The following PKD1L1 variants were observed in gnomAD, a reference collection of about 807,000 sequenced individuals.
The protein encoded by PKD1L1 is polycystin-1-like protein 1.
A neutral mutation model predicts 323.4 loss-of-function variants in PKD1L1; 236 were observed. The observed-to-expected ratio is 0.73, with a 90% CI of 0.66 to 0.81. The LOEUF is 0.81. Ranked by LOEUF, PKD1L1 falls within the 40% of genes least tolerant of loss-of-function variation. PKD1L1 has a pLI of 0.00. For missense variants in PKD1L1, 3,320 were observed against 3,508.0 expected, an observed-to-expected ratio of 0.95 and a Z score of 1.35; for synonymous variants, 1,344 against 1,335.0, an observed-to-expected ratio of 1.01 and a Z score of -0.15.
chr7:47,791,101 GGT>G (rs1786935766), intron 56 of PKD1L1, among the ~76,000 whole-genome samples: 1 of 151,830 alleles, frequency 6.6e-6, no homozygotes, highest in Non-Finnish European at 1.5e-5. Flanking sequence ...TAAATATATA[GGT>G]GTATATCTCT....
the PKD1L1 span, among the ~76,000 whole-genome samples, chr7:47,958,363 G>T: frequency 4.6e-5 from 7 of 152,124 alleles, no homozygotes; most frequent in Non-Finnish European, 8.8e-5. Context: ...TTCAATAAAC[G>T]ATGCTGGGAA....
chr7:47,832,214 C>T lies in PKD1L1; in HGVS notation c.6338-862G>A, dbSNP rs375660644. On this transcript the variant is annotated intron_variant, in intron 41 of 56. Coordinates refer to ENST00000289672, the MANE Select transcript of PKD1L1 (RefSeq NM_138295.5). ...GGGACAGTGGCGTTGTCCTAAGCCA[C>T]ACCTTCTCCACAACCTCATCGGTGG... 3.3e-5 allele frequency among the ~76,000 whole-genome samples: 5 copies of T among 152,210 alleles called. No individual in the cohort carries two copies. The East Asian group carries it at 7.7e-4, about 23-fold the overall frequency.
At chr7:47,855,875 C>CAAAAAAAA (rs536157879) in intron 28 of PKD1L1, among the ~76,000 whole-genome samples, 1 of 32,548 alleles carries the variant, frequency 3.1e-5, no homozygotes, top group African/African-American at 2.7e-4. Flanking sequence ...GACTCCGTCT[C>CAAAAAAAA]AAAAAAAAAA....
chr7:47,805,826 G>A (rs116754993), intron 52 of PKD1L1, among the ~76,000 whole-genome samples: 2,030 of 152,248 alleles, frequency 0.013, 42 homozygotes, highest in African/African-American at 0.046. Flanking sequence ...TCAGAGCCTC[G>A]GTCTAGATGG....
At chr7:47,914,042 G>C (rs1213228708) in intron 8 of PKD1L1, among the ~76,000 whole-genome samples, 1 of 152,156 alleles carries the variant, frequency 6.6e-6, no homozygotes, top group East Asian at 1.9e-4. Context: ...TGATAAAGAA[G>C]AGAGAAGGGA....
intron 9 of PKD1L1, among the ~76,000 whole-genome samples, chr7:47,907,331 C>T (rs767007988): frequency 6.6e-6 from 1 of 152,170 alleles, no homozygotes; most frequent in Non-Finnish European, 1.5e-5. Context: ...GTAGGCTGGG[C>T]ACTTTGGGAG....
intron 53 of PKD1L1, among the ~76,000 whole-genome samples, chr7:47,801,260 A>T (rs1285583271): frequency 6.6e-6 from 1 of 152,020 alleles, no homozygotes; most frequent in Non-Finnish European, 1.5e-5. Context: ...CATGATCTTT[A>T]TGTCCCCCGC....
chr7:47,898,598 T>C (rs1466485786), intron 13 of PKD1L1, among the ~76,000 whole-genome samples: 3 of 152,100 alleles, frequency 2.0e-5, no homozygotes, highest in Non-Finnish European at 4.4e-5. Flanking sequence ...TCAATGAATA[T>C]AATAAGAAAA....
intron 19 of PKD1L1, among the ~76,000 whole-genome samples, chr7:47,882,583 A>G (rs1786586900): frequency 6.6e-6 from 1 of 151,994 alleles, no homozygotes; most frequent in African/African-American, 2.4e-5. Flanking sequence ...CTCTCTGAAG[A>G]CTAAGACTAG....
chr7:47,910,110 T>A (rs1359196773), intron 8 of PKD1L1, among the ~76,000 whole-genome samples: 11 of 152,206 alleles, frequency 7.2e-5, no homozygotes, highest in Non-Finnish European at 2.9e-5. Context: ...ACAGGAATTT[T>A]AATGACAAGT....
At chr7:47,809,966 T>C (rs1784859674) in intron 50 of PKD1L1, among the ~76,000 whole-genome samples, 1 of 152,250 alleles carries the variant, frequency 6.6e-6, no homozygotes, top group African/African-American at 2.4e-5. Flanking sequence ...ATATGAACTA[T>C]ATATACATAT....
rs1035537959 is a variant in PKD1L1 at position 47,853,327 on chromosome 7, A to T, written c.4860-100T>A. ...AGAGTTTACTCAATTTGTGCAAAAC[A>T]TCCTTGTCACTGCAAGGAGGTAGCC... On this transcript the variant is annotated intron_variant, in intron 30 of 56. Transcript: ENST00000289672. 17 of 862,278 alleles carry T rather than the reference A, an allele frequency of 2.0e-5. 1 individual carries two copies. In the Admixed American group the frequency reaches 3.5e-4, roughly 18 times the overall value. The allele number at this position is 862,278 out of a possible 1,614,324, so 53.4% of individuals were successfully genotyped here. A position where few individuals can be genotyped will look rare whatever the true frequency, so the allele number is the denominator to read the frequency against.
chr7:47,912,834 A>G lies in PKD1L1; in HGVS notation c.1228+2598T>C, dbSNP rs1484855587. ...GTGTCTCAAAAAAAAAAAAAAAAAAAAAAAGAAAAGAAATAATTCTCATGA... is the reference window on the plus strand; with the variant it reads ...GTGTCTCAAAAAAAAAAAAAAAAAAGAAAAGAAAAGAAATAATTCTCATGA... On this transcript the variant is annotated intron_variant, in intron 8 of 56. Transcript: ENST00000289672. 1.1e-3 allele frequency among the ~76,000 whole-genome samples: 163 copies of G among 151,376 alleles called. 1 individual carries two copies. The highest frequency in any genetic ancestry group is 3.3e-3 in the African/African-American group (135 of 41,286).
At chr7:47,837,452 G>A (rs1190779922) in intron 36 of PKD1L1, among the ~76,000 whole-genome samples, 2 of 152,106 alleles carry the variant, frequency 1.3e-5, no homozygotes, top group African/African-American at 4.8e-5. Flanking sequence ...CCTTCCTCTG[G>A]CACCTCCTGA....
chr7:47,839,674 C>A lies in PKD1L1; in HGVS notation c.5553-12G>T, dbSNP rs1340068802. ...GTTGGGCAGGAGCGCTGGAGGCACA[C>A]ACAGCAGCATCTCAGCCGGGTGGGT... is the stretch of plus-strand genomic sequence containing the variant. On this transcript the variant is annotated splice_polypyrimidine_tract_variant and intron_variant, in intron 35 of 56. Coordinates refer to ENST00000289672, the MANE Select transcript of PKD1L1 (RefSeq NM_138295.5). This position sits in a 1 kb window ranked among gnomAD's most constrained non-coding sequence, Gnocchi z 4.3. The A allele has an allele frequency of 1.3e-6, 2 of 1,557,760 alleles. No homozygotes were observed. Among genetic ancestry groups the A allele is most frequent in the Non-Finnish European group, 1.7e-6 (2 of 1,150,266 alleles).
chr7:47,787,653 T>A (rs555820958), intron 56 of PKD1L1, among the ~76,000 whole-genome samples: 1 of 152,286 alleles, frequency 6.6e-6, no homozygotes, highest in African/African-American at 2.4e-5. Flanking sequence ...ATAAACAAAT[T>A]AAGCGGGTTT....
intron 51 of PKD1L1, chr7:47,809,202 A>T (rs974354811): frequency 3.8e-6 from 1 of 264,914 alleles, no homozygotes; most frequent in Non-Finnish European, 7.1e-6. Flanking sequence ...CAGAATCAAG[A>T]TGTCATTAGG....
At position 47,856,409 on chromosome 7, in the gene PKD1L1, A is replaced by G. The variant is rs560813815; in HGVS notation, c.4591-1144T>C. ...CTGATTGACATAATAACAATTAGCT[A>G]TATATGAACTCTATCCCTATGCTGA... On this transcript the variant is annotated intron_variant, in intron 28 of 56. Transcript: ENST00000289672. 6.6e-5 allele frequency among the ~76,000 whole-genome samples: 10 copies of G among 152,340 alleles called. No individual in the cohort carries two copies. In the South Asian group the frequency reaches 1.2e-3, roughly 19 times the overall value.
In PKD1L1 at chr7:47,815,325, A is replaced by C; in HGVS notation, c.7089+9T>G. The C allele has an allele frequency of 6.2e-7, 1 of 1,612,218 alleles. No homozygotes were observed. The highest frequency in any genetic ancestry group is 1.3e-5 in the African/African-American group (1 of 74,854). On this transcript the variant is annotated intron_variant, in intron 47 of 56. Transcript: ENST00000289672. The stretch of plus-strand genomic sequence containing the variant: ...ATGATCTCCTATGAAGAGGAGACGG[A>C]AAGCTCACCTGAGCCCCCGGCACAC...
Sources: allele counts gnomAD v4.1 joint callset (sites outside exome capture counted in the v4.1 genomes callset), GRCh38; gene constraint gnomAD v4.1.1; non-coding constraint Gnocchi (gnomAD v3.1); transcripts MANE v1.5; gene names NCBI Gene and HGNC (gene_info 2026-07-23, HGNC 2026-07-21).